DRC3: variants seen among roughly 807,000 people sequenced by gnomAD.
The protein encoded by DRC3 is leucine rich repeat containing 48.
DRC3 carries 45 observed loss-of-function variants against 57.6 expected under a neutral mutation model. The ratio of observed to expected loss-of-function variants is 0.78; its 90% CI spans 0.62 to 1.00. The LOEUF is 1.00. DRC3 is among the 50% of genes least tolerant of loss of function. The probability of loss-of-function intolerance (pLI) is 0.00; values close to 1 mark genes in which losing one functional copy is unlikely to be tolerated. For missense variants in DRC3, 655 were observed against 675.2 expected (o/e 0.97, Z 0.33); for synonymous variants, 257 against 272.3 (o/e 0.94, Z 0.55).
intron 3 of DRC3, chr17:17,981,563 T>C (rs2145224948): frequency 6.5e-6 from 1 of 153,228 alleles, no homozygotes; most frequent in South Asian, 2.0e-4. Flanking sequence ...CAGGGGCGTG[T>C]GGTCCATGGC....
chr17:18,007,158 C>CGGGCGGCGGGGGGGGGGGGG lies in DRC3; in HGVS notation c.1326+15_1326+16insGGCGGGGGGGGGGGGGGGGC. 2.0e-6 allele frequency: 2 copies of CGGGCGGCGGGGGGGGGGGGG among 993,938 alleles called. 1 individual carries two copies. The highest frequency in any genetic ancestry group is 2.8e-6 in the Non-Finnish European group (2 of 704,810). 61.6% of individuals were successfully genotyped at this position (993,938 alleles called of 1,614,324 possible). On this transcript the variant is annotated intron_variant, in intron 12 of 13. Transcript: ENST00000399187. Reference sequence around the variant, plus strand: ...AACGACCTGCGCGCGGTAGGCGGGGCGGGCTGCTCGGAGCCTGACAGATGT... The same window carrying CGGGCGGCGGGGGGGGGGGGG: ...AACGACCTGCGCGCGGTAGGCGGGGCGGGCGGCGGGGGGGGGGGGGGGGCTGCTCGGAGCCTGACAGATGT...
Position 18,007,341 on chromosome 17 carries a change from G to C in DRC3, c.1326+194G>C, listed in dbSNP as rs2044015607. 9.3e-6 allele frequency: 14 copies of C among 1,506,762 alleles called. No homozygotes were observed. The South Asian group carries it at 1.7e-4, about 18-fold the overall frequency. 93.3% of individuals were successfully genotyped at this position (1,506,762 alleles called of 1,614,324 possible). A position where few individuals can be genotyped will look rare whatever the true frequency, so the allele number is the denominator to read the frequency against. ...AACAAAGCACCTGGTGGGGCACCCAGTGGGGCCCAGTTAAAGAGGAGCTCA... is the reference window on the plus strand; with the variant it reads ...AACAAAGCACCTGGTGGGGCACCCACTGGGGCCCAGTTAAAGAGGAGCTCA... On this transcript the variant is annotated intron_variant, in intron 12 of 13. Coordinates refer to ENST00000399187, the MANE Select transcript of DRC3 (RefSeq NM_031294.4).
chr17:18,003,061 C>G (rs2043800447), intron 9 of DRC3, among the ~76,000 whole-genome samples: 1 of 152,118 alleles, frequency 6.6e-6, no homozygotes, highest in African/African-American at 2.4e-5. Context: ...ATTGTGAGAA[C>G]GTGACAAGAC....
At chr17:18,015,606 G>GTC in intron 12 of DRC3, 2 of 156,620 alleles carry the variant, frequency 1.3e-5, no homozygotes, top group Admixed American at 6.2e-5. Context: ...GACAACTGTG[G>GTC]GGTGAACACC....
intron 5 of DRC3, among the ~76,000 whole-genome samples, chr17:17,989,247 G>A (rs1474909252): frequency 6.6e-6 from 1 of 152,172 alleles, no homozygotes; most frequent in East Asian, 1.9e-4. Context: ...CGCACGCATC[G>A]TTGAGGAGCG....
At chr17:17,982,751 T>C (rs966517750) in intron 3 of DRC3, among the ~76,000 whole-genome samples, 1 of 151,774 alleles carries the variant, frequency 6.6e-6, no homozygotes, top group African/African-American at 2.4e-5. Flanking sequence ...ATTTTTTGTA[T>C]CTTTAGCAGA....
chr17:17,984,824 G>A (rs2042885678), intron 4 of DRC3, among the ~76,000 whole-genome samples: 1 of 152,094 alleles, frequency 6.6e-6, no homozygotes, highest in South Asian at 2.1e-4. Flanking sequence ...GGCATCGTGA[G>A]CCTTCCAATT....
chr17:18,007,562 A>G (rs2044026107), intron 12 of DRC3: 1 of 1,504,986 alleles, frequency 6.6e-7, no homozygotes, highest in Admixed American at 2.2e-5. Flanking sequence ...CTGATCCTGC[A>G]CAATGCCATC....
At chr17:18,003,127 T>C (rs1192797206) in intron 9 of DRC3, among the ~76,000 whole-genome samples, 1 of 151,912 alleles carries the variant, frequency 6.6e-6, no homozygotes, top group Non-Finnish European at 1.5e-5. Context: ...CAGATGAGCG[T>C]TAGTTTAACA....
chr17:17,978,242 G>A (rs1472569214), intron 3 of DRC3, among the ~76,000 whole-genome samples: 2 of 152,164 alleles, frequency 1.3e-5, no homozygotes. Context: ...TTGAGGCAGG[G>A]AGGCACATCA....
In DRC3 at chr17:18,016,871, C is replaced by CA; in HGVS notation, c.*201dup. On this transcript the variant is annotated 3_prime_UTR_variant, in exon 14 of 14. Transcript: ENST00000399187. ...GGACTCATTTCACATTTCCCCTACT[C>CA]ATAAAAAAAAAAAAAAAATCAGCTG... 2 of 369,574 alleles carry CA rather than the reference C, an allele frequency of 5.4e-6. No individual in the cohort carries two copies. The highest frequency in any genetic ancestry group is 9.3e-6 in the Non-Finnish European group (2 of 214,012). The allele number at this position is 369,574 out of a possible 1,614,324, so 22.9% of individuals were successfully genotyped here.
intron 13 of DRC3, 59 bp from the exon 14 acceptor site, chr17:18,016,499 G>A (rs549161977): frequency 2.4e-6 from 3 of 1,261,246 alleles, no homozygotes; most frequent in East Asian, 4.7e-5. Flanking sequence ...ACTGGATTCA[G>A]TGAAAGATAT....
chr17:18,000,799 A>G (rs1350636138), intron 9 of DRC3, among the ~76,000 whole-genome samples: 1 of 152,178 alleles, frequency 6.6e-6, no homozygotes, highest in Non-Finnish European at 1.5e-5. Context: ...TACATGTTTT[A>G]CAACCATTTG....
At chr17:17,985,947 T>C (rs1329231736) in intron 4 of DRC3, among the ~76,000 whole-genome samples, 2 of 152,230 alleles carry the variant, frequency 1.3e-5, no homozygotes, top group Non-Finnish European at 2.9e-5. Flanking sequence ...AGTCTCATTC[T>C]GTCACCCAGG....
At chr17:18,000,792 A>G (rs190453212) in intron 9 of DRC3, among the ~76,000 whole-genome samples, 2 of 152,178 alleles carry the variant, frequency 1.3e-5, no homozygotes, top group Admixed American at 6.6e-5. Context: ...CACGTTTTAC[A>G]TGTTTTACAA....
chr17:18,007,054 C>T lies in DRC3; in HGVS notation c.1233C>T (p.His411=), dbSNP rs2043982663. 2 of 1,541,004 alleles carry T rather than the reference C, an allele frequency of 1.3e-6. No homozygotes were observed. Among genetic ancestry groups the T allele is most frequent in the Non-Finnish European group, 1.8e-6 (2 of 1,141,204 alleles). ...CTCAGTGCCGGGACCTGGAGAATCACCACCACGAGAAGCTCCTGGAGATCT... is the reference window on the plus strand; with the variant it reads ...CTCAGTGCCGGGACCTGGAGAATCATCACCACGAGAAGCTCCTGGAGATCT... The part of the protein sequence containing the change: ...LMAQCRDLEN[H]HHEKLLEISI... The change falls in exon 12 of 14, where the codon CAC becomes CAT. Residue 411 remains histidine (H), a synonymous_variant. Coordinates refer to ENST00000399187, the MANE Select transcript of DRC3 (RefSeq NM_031294.4).
chr17:18,002,109 A>G (rs1235420271), intron 9 of DRC3, among the ~76,000 whole-genome samples: 1 of 152,168 alleles, frequency 6.6e-6, no homozygotes, highest in East Asian at 1.9e-4. Flanking sequence ...CAGAGGTTGC[A>G]GTGAACCAAG....
chr17:18,016,017 C>A (rs369426371), intron 12 of DRC3, 47 bp from the exon 13 acceptor site: 1 of 1,600,942 alleles, frequency 6.2e-7, no homozygotes, highest in South Asian at 1.1e-5. Context: ...TTTGTGTTCA[C>A]GGTATAATGA....
chr17:17,985,155 T>C (rs1185703786), intron 4 of DRC3, among the ~76,000 whole-genome samples: 1 of 152,218 alleles, frequency 6.6e-6, no homozygotes, highest in Non-Finnish European at 1.5e-5. Context: ...CTGAGCCCCA[T>C]GACAGCTCCC....
Sources: allele counts gnomAD v4.1 joint callset (sites outside exome capture counted in the v4.1 genomes callset), GRCh38; gene constraint gnomAD v4.1.1; transcripts MANE v1.5; gene names NCBI Gene and HGNC (gene_info 2026-07-23, HGNC 2026-07-21).